The following CDH13 variants were observed in gnomAD, a reference collection of about 807,000 sequenced individuals.
The protein encoded by CDH13 is cadherin 13.
In CDH13, 24 loss-of-function variants were observed where a neutral mutation model predicts 63.8. The observed-to-expected ratio is 0.38, with a 90% CI of 0.27 to 0.53. The LOEUF is 0.53. Ranked by LOEUF, CDH13 falls within the 20% of genes least tolerant of loss-of-function variation. The probability of loss-of-function intolerance (pLI) is 0.85; values close to 1 mark genes in which losing one functional copy is unlikely to be tolerated. For synonymous variants in CDH13, 503 were observed against 355.3 expected (o/e 1.42, Z -4.67); for missense variants, 1,049 against 903.1 (o/e 1.16, Z -2.07).
chr16:83,154,982 AAAAT>A (rs1329849549), intron 4 of CDH13, among the ~76,000 whole-genome samples: 3 of 152,246 alleles, frequency 2.0e-5, no homozygotes, highest in Admixed American at 2.0e-4. Context: ...TCCCCTCTGA[AAAAT>A]AAACCTAGGT....
chr16:82,774,872 G>C (rs1324336106), intron 1 of CDH13, among the ~76,000 whole-genome samples: 1 of 152,172 alleles, frequency 6.6e-6, no homozygotes, highest in Non-Finnish European at 1.5e-5. Flanking sequence ...TGGCTCCTCT[G>C]TTACCAAACA....
chr16:82,737,493 G>T (rs926502157), intron 1 of CDH13, among the ~76,000 whole-genome samples: 2 of 152,212 alleles, frequency 1.3e-5, no homozygotes, highest in African/African-American at 4.8e-5. Flanking sequence ...TGGAAGAGAG[G>T]GGTGGTCTGA....
At chr16:83,394,639 T>G (rs28711921) in intron 6 of CDH13, among the ~76,000 whole-genome samples, 1 of 152,014 alleles carries the variant, frequency 6.6e-6, no homozygotes, top group Non-Finnish European at 1.5e-5. Context: ...ATGACCTGAC[T>G]TGCATTTTAT....
At chr16:83,691,347 G>A (rs1037021680) in intron 10 of CDH13, among the ~76,000 whole-genome samples, 3 of 152,108 alleles carry the variant, frequency 2.0e-5, no homozygotes, top group South Asian at 4.1e-4. Flanking sequence ...TAGAAGCCTG[G>A]GTGTCATCAA....
chr16:82,901,350 GTGTGTGTGTGTGTGTGTC>G (rs2041462767), intron 2 of CDH13, among the ~76,000 whole-genome samples: 1 of 149,866 alleles, frequency 6.7e-6, no homozygotes, highest in Middle Eastern at 3.5e-3. Context: ...GTGTGTGTGT[GTGTGTGTGTGTGTGTGTC>G]TGATGATTGG....
intron 2 of CDH13, among the ~76,000 whole-genome samples, chr16:82,906,802 G>A (rs540755969): frequency 1.3e-4 from 20 of 152,238 alleles, no homozygotes; most frequent in Non-Finnish European, 4.4e-5. Flanking sequence ...GCAGTCCTTG[G>A]CATTCCCTGC....
At chr16:82,638,044 C>T (rs1321671352) in intron 1 of CDH13, among the ~76,000 whole-genome samples, 1 of 152,198 alleles carries the variant, frequency 6.6e-6, no homozygotes, top group Non-Finnish European at 1.5e-5. Context: ...GGCTGAAATC[C>T]ATTGAAGGGA....
intron 5 of CDH13, among the ~76,000 whole-genome samples, chr16:83,329,385 A>G (rs901179348): frequency 2.1e-5 from 3 of 145,072 alleles, no homozygotes; most frequent in African/African-American, 5.0e-5. Flanking sequence ...GCCACCACAC[A>G]TGGCTAATTT....
chr16:82,750,604 A>T (rs1239553202), intron 1 of CDH13, among the ~76,000 whole-genome samples: 1 of 152,230 alleles, frequency 6.6e-6, no homozygotes, highest in African/African-American at 2.4e-5. Context: ...ATTCTCTTAA[A>T]GTCTCAGGTG....
intron 7 of CDH13, among the ~76,000 whole-genome samples, chr16:83,502,787 A>G (rs2074311194): frequency 6.6e-6 from 1 of 152,206 alleles, no homozygotes; most frequent in African/African-American, 2.4e-5. Flanking sequence ...GTTACCAATA[A>G]TAAAATAATG....
rs1015208359 is a variant in CDH13, at chr16:83,370,115, C to A, written c.781+25109C>A. Among the ~76,000 whole-genome samples the A allele has an allele frequency of 2.0e-5, 3 of 152,158 alleles. No homozygotes were observed. The East Asian group carries it at 5.8e-4, about 29-fold the overall frequency. On this transcript the variant is annotated intron_variant, in intron 6 of 13. Coordinates refer to ENST00000567109, the MANE Select transcript of CDH13 (RefSeq NM_001257.5). ...AAACTTTCATATCGTTGGCTAGGCG[C>A]GGTGGCTCACGCCTGTAATCCCAGC...
At chr16:83,475,503 G>C (rs73603821) in intron 6 of CDH13, among the ~76,000 whole-genome samples, 1 of 152,184 alleles carries the variant, frequency 6.6e-6, no homozygotes, top group Non-Finnish European at 1.5e-5. Context: ...TTAACTTTAT[G>C]TGCTAAGCCA....
intron 7 of CDH13, among the ~76,000 whole-genome samples, chr16:83,548,418 GCCCCTCCCC>G (rs2075428593): frequency 6.6e-6 from 1 of 152,186 alleles, no homozygotes. Context: ...GCAAAGGGCA[GCCCCTCCCC>G]CAACAGCAAA....
intron 6 of CDH13, 85 bp from the exon 7 acceptor site, chr16:83,486,392 C>G (rs755917601): frequency 8.8e-7 from 1 of 1,138,304 alleles, no homozygotes; most frequent in Non-Finnish European, 1.3e-6. Context: ...CACTGCTGCA[C>G]TGCTATTGCC....
At chr16:82,708,853 C>G (rs2031696019) in intron 1 of CDH13, among the ~76,000 whole-genome samples, 1 of 152,194 alleles carries the variant, frequency 6.6e-6, no homozygotes, top group African/African-American at 2.4e-5. Context: ...AGAAAGTACT[C>G]TGTGGAGCTG....
At chr16:83,762,516 A>G (rs879168817) in intron 11 of CDH13, among the ~76,000 whole-genome samples, 1 of 152,234 alleles carries the variant, frequency 6.6e-6, no homozygotes, top group Non-Finnish European at 1.5e-5. Flanking sequence ...GCCAAATCCC[A>G]GTGTCAATAC....
intron 4 of CDH13, among the ~76,000 whole-genome samples, chr16:83,148,220 G>C (rs971851877): frequency 6.6e-6 from 1 of 152,172 alleles, no homozygotes; most frequent in East Asian, 1.9e-4. Flanking sequence ...TTACAGATGT[G>C]AGCCACTGTG....
intron 6 of CDH13, among the ~76,000 whole-genome samples, chr16:83,435,235 G>T (rs545639871): frequency 6.6e-6 from 1 of 152,080 alleles, no homozygotes; most frequent in African/African-American, 2.4e-5. Context: ...GCAGAAACGG[G>T]GTTTCGCCTT....
At chr16:83,389,525 C>T (rs1237275045) in intron 6 of CDH13, among the ~76,000 whole-genome samples, 2 of 152,182 alleles carry the variant, frequency 1.3e-5, no homozygotes, top group African/African-American at 2.4e-5. Context: ...TAAACAAGCA[C>T]ATTCTTCTCC....
Sources: allele counts gnomAD v4.1 joint callset (sites outside exome capture counted in the v4.1 genomes callset), GRCh38; gene constraint gnomAD v4.1.1; transcripts MANE v1.5; gene names NCBI Gene and HGNC (gene_info 2026-07-23, HGNC 2026-07-21).